KCNQ1: variants seen among roughly 807,000 people sequenced by gnomAD.
The protein encoded by KCNQ1 is potassium voltage-gated channel subfamily Q member 1.
A neutral mutation model predicts 72.4 loss-of-function variants in KCNQ1; 49 were observed. The observed-to-expected ratio is 0.68, with a 90% CI of 0.54 to 0.86. The LOEUF (loss-of-function observed/expected upper bound fraction) is 0.86. KCNQ1 is among the 40% of genes least tolerant of loss of function. The pLI, the probability that KCNQ1 is intolerant of heterozygous loss-of-function variation, is 0.00. For synonymous variants in KCNQ1, 450 were observed against 412.6 expected (o/e 1.09, Z -1.10); for missense variants, 790 against 945.1 (o/e 0.84, Z 2.15).
intron 2 of KCNQ1, among the ~76,000 whole-genome samples, chr11:2,554,767 T>TA (rs1848043124): frequency 6.6e-6 from 1 of 152,256 alleles, no homozygotes; most frequent in Non-Finnish European, 1.5e-5. Flanking sequence ...GTTTACTGTG[T>TA]AAACTTCAGC....
In KCNQ1 at chr11:2,478,368, G is replaced by A. The variant is rs913501465; in HGVS notation, c.386+32884G>A. Among the ~76,000 whole-genome samples, 1 of 152,164 alleles carries A rather than the reference G, an allele frequency of 6.6e-6. No homozygotes were observed. Among genetic ancestry groups the A allele is most frequent in the Admixed American group, 6.5e-5 (1 of 15,280 alleles). On this transcript the variant is annotated intron_variant, in intron 1 of 15. Coordinates refer to ENST00000155840, the MANE Select transcript of KCNQ1 (RefSeq NM_000218.3). This position sits in a 1 kb window ranked among gnomAD's most constrained non-coding sequence, Gnocchi z 4.0. Reference sequence around the variant, plus strand: ...AAATTACTGATAAAGACATACCTGAGACTGGATAATTTATAAAGGGAAGAG... The same window carrying A: ...AAATTACTGATAAAGACATACCTGAAACTGGATAATTTATAAAGGGAAGAG...
chr11:2,795,950 C>A (rs1054809256), intron 15 of KCNQ1, among the ~76,000 whole-genome samples: 2 of 152,178 alleles, frequency 1.3e-5, no homozygotes, highest in African/African-American at 2.4e-5. Flanking sequence ...CCAGGTGAGA[C>A]CGGCCTTTGG....
chr11:2,613,587 C>A lies in KCNQ1; in HGVS notation c.1393+24733C>A, dbSNP rs1305804759. 3 of 398,396 alleles carry A rather than the reference C, an allele frequency of 7.5e-6. No homozygotes were observed. In the East Asian group the frequency reaches 1.1e-4, roughly 14 times the overall value. The allele number at this position is 398,396 out of a possible 1,614,324, so 24.7% of individuals were successfully genotyped here. Reference sequence around the variant, plus strand: ...CTTAATATTTTTTCTTTAATTAGCACTTTTCAATTTTATATTTCTTTGTCC... The same window carrying A: ...CTTAATATTTTTTCTTTAATTAGCAATTTTCAATTTTATATTTCTTTGTCC... On this transcript the variant is annotated intron_variant, in intron 10 of 15. Coordinates refer to ENST00000155840, the MANE Select transcript of KCNQ1 (RefSeq NM_000218.3). This position sits in a 1 kb window ranked among gnomAD's most constrained non-coding sequence, Gnocchi z 4.8.
intron 11 of KCNQ1, among the ~76,000 whole-genome samples, chr11:2,742,632 A>G (rs1846075694): frequency 6.6e-6 from 1 of 152,226 alleles, no homozygotes; most frequent in African/African-American, 2.4e-5. Flanking sequence ...TCTGGGGCTG[A>G]GGATGCTCGG....
rs548897967 is a variant in KCNQ1 at position 2,483,722 on chromosome 11, C to G, written c.386+38238C>G. Among the ~76,000 whole-genome samples, 149 of 152,220 alleles carry G rather than the reference C, an allele frequency of 9.8e-4. No individual in the cohort carries two copies. The highest frequency in any genetic ancestry group is 3.5e-3 in the African/African-American group (145 of 41,534). ...ACACCGCGGGAGTGTTGTTGGGTCC[C>G]GAGGAGTCCCTGTGGCAGGGCTGTG... is the stretch of plus-strand genomic sequence containing the variant. On this transcript the variant is annotated intron_variant, in intron 1 of 15. Transcript: ENST00000155840. This position sits in a 1 kb window ranked among gnomAD's most constrained non-coding sequence, Gnocchi z 6.1.
At position 2,817,872 on chromosome 11, in the gene KCNQ1, C is replaced by T. The variant is rs1222936233; in HGVS notation, c.1795-29895C>T. Among the ~76,000 whole-genome samples the T allele has an allele frequency of 6.6e-6, 1 of 152,158 alleles. No individual in the cohort carries two copies. The highest frequency in any genetic ancestry group is 6.5e-5 in the Admixed American group (1 of 15,280). ...TAGAAACCTCTGGCACTCTCCCCTC[C>T]CCAGCCAGCACCTACCAGCTTTGCG... On this transcript the variant is annotated intron_variant, in intron 15 of 15. Coordinates refer to ENST00000155840, the MANE Select transcript of KCNQ1 (RefSeq NM_000218.3). This position sits in a 1 kb window ranked among gnomAD's most constrained non-coding sequence, Gnocchi z 6.1.
Position 2,468,471 on chromosome 11 carries a change from A to G in KCNQ1, c.386+22987A>G, listed in dbSNP as rs1846387042. On this transcript the variant is annotated intron_variant, in intron 1 of 15. Coordinates refer to ENST00000155840, the MANE Select transcript of KCNQ1 (RefSeq NM_000218.3). The surrounding 1 kb of genome is among the most constrained non-coding windows in gnomAD (Gnocchi z 5.7). ...GTAGCTTTACGGAGGCGTGCTTGGCATACGGTAAACTGCCCCAGTTTAAAG... is the reference window on the plus strand; with the variant it reads ...GTAGCTTTACGGAGGCGTGCTTGGCGTACGGTAAACTGCCCCAGTTTAAAG... Among the ~76,000 whole-genome samples, 2 of 152,094 alleles carry G rather than the reference A, an allele frequency of 1.3e-5. No homozygotes were observed. Among genetic ancestry groups the G allele is most frequent in the Non-Finnish European group, 2.9e-5 (2 of 68,022 alleles).
Position 2,830,044 on chromosome 11 carries a change from A to AAGGAGGAGGGAGGAGGG in KCNQ1, c.1795-17718_1795-17702dup. ...GGAGGAGGAAGGAGGAGGGAGGAGG[A>AAGGAGGAGGGAGGAGGG]AGGAGGAGGGAGGAGGGAGGAAGAG... is the stretch of plus-strand genomic sequence containing the variant. On this transcript the variant is annotated intron_variant, in intron 15 of 15. Coordinates refer to ENST00000155840, the MANE Select transcript of KCNQ1 (RefSeq NM_000218.3). This position sits in a 1 kb window ranked among gnomAD's most constrained non-coding sequence, Gnocchi z 7.7. Among the ~76,000 whole-genome samples the AAGGAGGAGGGAGGAGGG allele has an allele frequency of 9.1e-6, 1 of 110,458 alleles. No homozygotes were observed. The highest frequency in any genetic ancestry group is 9.3e-5 in the Admixed American group (1 of 10,798). The allele number at this position is 110,458 out of a possible 152,430, so 72.5% of individuals were successfully genotyped here. A position where few individuals can be genotyped will look rare whatever the true frequency, so the allele number is the denominator to read the frequency against.
intron 10 of KCNQ1, chr11:2,648,629 G>C (rs1337217290): frequency 2.5e-6 from 1 of 398,406 alleles, no homozygotes; most frequent in East Asian, 3.6e-5. Flanking sequence ...ATTGTGGTCT[G>C]AGAAGATACT....
rs534088124 is a variant in KCNQ1 at position 2,729,036 on chromosome 11, C to T, written c.1515-39808C>T. ...CATGCAGGGCTGGCAACTGTAGTCA[C>T]AGAACAATAGCCCGTTTATGTAGCA... On this transcript the variant is annotated intron_variant, in intron 11 of 15. Transcript: ENST00000155840. Among the ~76,000 whole-genome samples, 203 of 152,350 alleles carry T rather than the reference C, an allele frequency of 1.3e-3. 1 individual carries two copies. Among genetic ancestry groups the T allele is most frequent in the African/African-American group, 4.2e-3 (176 of 41,588 alleles).
chr11:2,467,290 C>T (rs1040462753), intron 1 of KCNQ1, among the ~76,000 whole-genome samples: 19 of 152,064 alleles, frequency 1.2e-4, no homozygotes, highest in South Asian at 6.2e-4. Flanking sequence ...CCTTGGTGTC[C>T]GGCAGGGAGG....
rs1280139345 is a variant in KCNQ1, at chr11:2,468,396, C to T, written c.386+22912C>T. ...TCCTGAGCTCAAGCGATCTGCCTGC[C>T]TCAGCCTCCCAAAGTGCTGGGATTA... is the stretch of plus-strand genomic sequence containing the variant. On this transcript the variant is annotated intron_variant, in intron 1 of 15. Transcript: ENST00000155840. This position sits in a 1 kb window ranked among gnomAD's most constrained non-coding sequence, Gnocchi z 5.7. Among the ~76,000 whole-genome samples the T allele has an allele frequency of 1.3e-5, 2 of 152,234 alleles. No homozygotes were observed. The highest frequency in any genetic ancestry group is 2.9e-5 in the Non-Finnish European group (2 of 68,046).
chr11:2,460,073 A>T (rs890619002), intron 1 of KCNQ1, among the ~76,000 whole-genome samples: 1 of 152,154 alleles, frequency 6.6e-6, no homozygotes, highest in Non-Finnish European at 1.5e-5. Flanking sequence ...TGGTGTCCTG[A>T]CTGCCACCCC....
chr11:2,638,277 C>A (rs1849511456), intron 10 of KCNQ1: 2 of 152,194 alleles, frequency 1.3e-5, no homozygotes, highest in African/African-American at 2.4e-5. Context: ...CATCTATGGT[C>A]TTTACAATTT....
intron 2 of KCNQ1, among the ~76,000 whole-genome samples, chr11:2,555,522 G>A (rs568129519): frequency 4.6e-5 from 7 of 152,362 alleles, no homozygotes; most frequent in South Asian, 2.1e-4. Context: ...AGGCGTGGGC[G>A]TCTCCGGGCC....
At position 2,617,109 on chromosome 11, in the gene KCNQ1, A is replaced by T. The variant is rs1486378337; in HGVS notation, c.1393+28255A>T. 2.5e-6 allele frequency: 1 copy of T among 398,206 alleles called. No individual in the cohort carries two copies. The highest frequency in any genetic ancestry group is 4.4e-6 in the Non-Finnish European group (1 of 225,896). The allele number at this position is 398,206 out of a possible 1,614,324, so 24.7% of individuals were successfully genotyped here. ...AGTGAGAAAAGCTATGATCTACTCAATTGGCAAAAATTCCAAATGCAATAT... is the reference window on the plus strand; with the variant it reads ...AGTGAGAAAAGCTATGATCTACTCATTTGGCAAAAATTCCAAATGCAATAT... On this transcript the variant is annotated intron_variant, in intron 10 of 15. Transcript: ENST00000155840. The surrounding 1 kb of genome is among the most constrained non-coding windows in gnomAD (Gnocchi z 4.6).
At chr11:2,799,891 G>T (rs12790096) in intron 15 of KCNQ1, among the ~76,000 whole-genome samples, 1 of 152,272 alleles carries the variant, frequency 6.6e-6, no homozygotes, top group African/African-American at 2.4e-5. Context: ...GCCCTCCTGA[G>T]CTCCAAGTGT....
chr11:2,467,712 A>G (rs999487446), intron 1 of KCNQ1, among the ~76,000 whole-genome samples: 1 of 152,154 alleles, frequency 6.6e-6, no homozygotes, highest in Non-Finnish European at 1.5e-5. Flanking sequence ...GCCTGGGCAC[A>G]CGGGCCCAGT....
chr11:2,799,245 G>A (rs11024139), intron 15 of KCNQ1, among the ~76,000 whole-genome samples: 64 of 152,348 alleles, frequency 4.2e-4, no homozygotes, highest in Non-Finnish European at 7.2e-4. Flanking sequence ...CCACGGGGGC[G>A]GTGGTGCTCA....
Sources: gnomAD v4.1 joint callset for allele counts (sites outside exome capture counted in the v4.1 genomes callset) on GRCh38, gnomAD v4.1.1 for gene constraint, Gnocchi (gnomAD v3.1) non-coding constraint, MANE v1.5 for transcripts, NCBI Gene and HGNC (gene_info 2026-07-23, HGNC 2026-07-21) for gene names.